The following CDH12 variants were observed in gnomAD, a reference collection of about 807,000 sequenced individuals.
CDH12 encodes cadherin-12.
CDH12 carries 41 observed loss-of-function variants against 74.1 expected under a neutral mutation model. That is an observed-to-expected ratio of 0.55 (90% confidence interval 0.43 to 0.72). The LOEUF (loss-of-function observed/expected upper bound fraction) is 0.72. Among genes scored for constraint, CDH12 ranks in the 30% least tolerant of loss-of-function variants. CDH12 has a pLI of 0.00. For synonymous variants in CDH12, 399 were observed against 355.0 expected, an observed-to-expected ratio of 1.12 and a Z score of -1.39; for missense variants, 945 against 977.2, an observed-to-expected ratio of 0.97 and a Z score of 0.44.
At chr5:22,743,430 A>G (rs1282206245) in intron 1 of CDH12, among the ~76,000 whole-genome samples, 2 of 151,826 alleles carry the variant, frequency 1.3e-5, no homozygotes, top group African/African-American at 4.8e-5. Context: ...TATTGACACT[A>G]TAAATTGGAA....
chr5:22,333,898 T>A (rs762647672), intron 3 of CDH12, among the ~76,000 whole-genome samples: 1 of 152,182 alleles, frequency 6.6e-6, no homozygotes, highest in Non-Finnish European at 1.5e-5. Context: ...ATAATTTCAA[T>A]TGATGCTGAA....
chr5:22,466,776 C>CTTTTTTTTTTTTTTTT (rs70959733), intron 2 of CDH12, among the ~76,000 whole-genome samples: 4 of 50,968 alleles, frequency 7.8e-5, no homozygotes, highest in African/African-American at 1.7e-4. Flanking sequence ...CCTCAGGAAT[C>CTTTTTTTTTTTTTTTT]TTTTTTTTTT....
chr5:22,092,709 T>C (rs1743506719), intron 4 of CDH12, among the ~76,000 whole-genome samples: 1 of 152,092 alleles, frequency 6.6e-6, no homozygotes, highest in South Asian at 2.1e-4. Flanking sequence ...TGTTAAAATA[T>C]AGAGTTTATG....
chr5:22,071,345 G>C (rs1487128685), intron 5 of CDH12, among the ~76,000 whole-genome samples: 1 of 151,986 alleles, frequency 6.6e-6, no homozygotes. Flanking sequence ...TCATCTCTGA[G>C]CTGTACACAT....
chr5:21,889,585 C>T, intron 6 of CDH12: 1 of 985,306 alleles, frequency 1.0e-6, no homozygotes, highest in Non-Finnish European at 1.2e-6. Flanking sequence ...AATATTTTAC[C>T]TAAAGAAGCC....
chr5:22,329,684 A>C (rs908040782), intron 3 of CDH12, among the ~76,000 whole-genome samples: 2 of 152,338 alleles, frequency 1.3e-5, no homozygotes, highest in East Asian at 1.9e-4. Context: ...GCCCTGATAC[A>C]TAGAGAATCT....
intron 5 of CDH12, among the ~76,000 whole-genome samples, chr5:22,070,333 C>T (rs1156351985): frequency 2.0e-5 from 3 of 152,120 alleles, no homozygotes; most frequent in Non-Finnish European, 4.4e-5. Flanking sequence ...GGTGATTAAA[C>T]ATGGTTTAAG....
intron 3 of CDH12, among the ~76,000 whole-genome samples, chr5:22,320,395 A>G (rs1295385978): frequency 6.6e-6 from 1 of 152,120 alleles, no homozygotes; most frequent in Non-Finnish European, 1.5e-5. Flanking sequence ...ATGCAGGAGA[A>G]TTTTTTGATA....
At chr5:21,960,952 G>T (rs1228420877) in intron 6 of CDH12, among the ~76,000 whole-genome samples, 1 of 151,916 alleles carries the variant, frequency 6.6e-6, no homozygotes, top group Non-Finnish European at 1.5e-5. Flanking sequence ...CTTATTTAAT[G>T]GCCGAGACTA....
At chr5:21,778,441 A>G (rs1329627162) in intron 11 of CDH12, among the ~76,000 whole-genome samples, 1 of 138,480 alleles carries the variant, frequency 7.2e-6, no homozygotes, top group Non-Finnish European at 1.5e-5. Flanking sequence ...ATATCATTCC[A>G]GAGCTGACAA....
intron 7 of CDH12, among the ~76,000 whole-genome samples, chr5:21,843,176 A>G (rs1223201713): frequency 3.3e-5 from 5 of 152,150 alleles, no homozygotes; most frequent in African/African-American, 1.2e-4. Flanking sequence ...TCTTTAGTCA[A>G]TGGCTTTAGG....
intron 5 of CDH12, among the ~76,000 whole-genome samples, chr5:22,027,919 T>C (rs1364497176): frequency 6.6e-6 from 1 of 152,182 alleles, no homozygotes; most frequent in Non-Finnish European, 1.5e-5. Flanking sequence ...GGTGTCAATT[T>C]TGGATCCTTC....
chr5:22,772,302 G>C (rs1746846778), intron 1 of CDH12, among the ~76,000 whole-genome samples: 1 of 152,044 alleles, frequency 6.6e-6, no homozygotes, highest in Non-Finnish European at 1.5e-5. Context: ...GGAACAGCAA[G>C]AAGGCCACTG....
intron 3 of CDH12, among the ~76,000 whole-genome samples, chr5:22,267,368 T>C (rs1188984980): frequency 2.6e-5 from 4 of 152,128 alleles, no homozygotes; most frequent in Non-Finnish European, 5.9e-5. Flanking sequence ...TCCAACATGA[T>C]AGGATAAACA....
rs187745833 is a variant in CDH12 at position 22,042,497 on chromosome 5, C to T, written c.231+35949G>A. Among the ~76,000 whole-genome samples, 21 of 152,124 alleles carry T rather than the reference C, an allele frequency of 1.4e-4. 1 individual carries two copies. In the East Asian group the frequency reaches 2.5e-3, roughly 18 times the overall value. On this transcript the variant is annotated intron_variant, in intron 5 of 14. Transcript: ENST00000382254. Reference sequence around the variant, plus strand: ...TACCACAGAAATGCAAATGGTCATACGAGACTACTATGAACAACTATATAC... The same window carrying T: ...TACCACAGAAATGCAAATGGTCATATGAGACTACTATGAACAACTATATAC...
chr5:21,950,607 C>A (rs567376090), intron 6 of CDH12, among the ~76,000 whole-genome samples: 373 of 151,456 alleles, frequency 2.5e-3, no homozygotes, highest in African/African-American at 8.7e-3. Context: ...TGCATTTGTA[C>A]CCCATAAATA....
intron 1 of CDH12, among the ~76,000 whole-genome samples, chr5:22,587,482 G>A (rs563214779): frequency 6.6e-6 from 1 of 152,250 alleles, no homozygotes; most frequent in African/African-American, 2.4e-5. Context: ...TTCATCAAGG[G>A]CTAGCTGTGT....
At chr5:22,812,787 G>T (rs771723604) in intron 1 of CDH12, among the ~76,000 whole-genome samples, 8 of 152,160 alleles carry the variant, frequency 5.3e-5, no homozygotes, top group Non-Finnish European at 1.2e-4. Context: ...GTCAGATTTA[G>T]ATGTCATTAT....
rs771122212 is a variant in CDH12, at chr5:21,752,091, A to G, written c.2031T>C (p.Ala677=). ...EEDTQAFDIG[A]LRNPKVIEEN... ...CCTCAATCACTTTTGGGTTTCTCAG[A>G]GCCCCGATGTCGAAAGCCTGGGTAT... Residue 677 remains alanine (A), a synonymous_variant, in exon 15 of 15, where the codon GCT becomes GCC. Transcript: ENST00000382254. 5.6e-6 allele frequency: 9 copies of G among 1,613,936 alleles called. No individual in the cohort carries two copies. The East Asian group carries it at 2.0e-4, about 36-fold the overall frequency.
Sources: gnomAD v4.1 joint callset for allele counts (sites outside exome capture counted in the v4.1 genomes callset) on GRCh38, gnomAD v4.1.1 for gene constraint, MANE v1.5 for transcripts, NCBI Gene and HGNC (gene_info 2026-07-23, HGNC 2026-07-21) for gene names.